The following FRMD5 variants were observed in gnomAD, a reference collection of about 807,000 sequenced individuals.
The protein encoded by FRMD5 is FERM domain containing 5, also known as FERM domain-containing protein 5.
Under a neutral mutation model 69.0 loss-of-function variants are expected in FRMD5, and 20 were observed. That is an observed-to-expected ratio of 0.29 (90% confidence interval 0.20 to 0.42). FRMD5 has a LOEUF of 0.42. FRMD5 is among the 10% of genes least tolerant of loss of function. The pLI is 1.00. For synonymous variants in FRMD5, 271 were observed against 260.1 expected, an observed-to-expected ratio of 1.04 and a Z score of -0.40; for missense variants, 595 against 708.6, an observed-to-expected ratio of 0.84 and a Z score of 1.82.
chr15:44,130,109 G>A (rs1351095424), intron 1 of FRMD5, among the ~76,000 whole-genome samples: 2 of 152,250 alleles, frequency 1.3e-5, no homozygotes, highest in Non-Finnish European at 2.9e-5. Flanking sequence ...CCCTCCAGGT[G>A]GGCTGCACTA....
intron 1 of FRMD5, among the ~76,000 whole-genome samples, chr15:44,026,592 C>T (rs1237870468): frequency 1.3e-5 from 2 of 152,076 alleles, no homozygotes; most frequent in Non-Finnish European, 2.9e-5. Context: ...AGTTGCAAGC[C>T]CTGTCTATCA....
At chr15:44,116,326 C>A (rs1433962818) in intron 1 of FRMD5, among the ~76,000 whole-genome samples, 1 of 151,758 alleles carries the variant, frequency 6.6e-6, no homozygotes, top group Non-Finnish European at 1.5e-5. Flanking sequence ...GTGATACAAT[C>A]ATAGCTCACT....
At chr15:43,947,069 C>G (rs1174977838) in intron 1 of FRMD5, among the ~76,000 whole-genome samples, 1 of 152,206 alleles carries the variant, frequency 6.6e-6, no homozygotes, top group East Asian at 1.9e-4. Context: ...AAGGAACCTA[C>G]AGAAATGTCT....
rs561714422 is a variant in FRMD5 at position 43,922,862 on chromosome 15, G to T, written c.207+1343C>A. On this transcript the variant is annotated intron_variant, in intron 2 of 13. Coordinates refer to ENST00000417257, the MANE Select transcript of FRMD5 (RefSeq NM_032892.5). ...TTTTTGTATTTTTAGTGGAGACGGGGTTTTGCCATGTTGCCCAGGCTGGTC... is the reference window on the plus strand; with the variant it reads ...TTTTTGTATTTTTAGTGGAGACGGGTTTTTGCCATGTTGCCCAGGCTGGTC... Among the ~76,000 whole-genome samples, 3 of 152,226 alleles carry T rather than the reference G, an allele frequency of 2.0e-5. No individual in the cohort carries two copies. In the East Asian group the frequency reaches 5.8e-4, roughly 29 times the overall value.
chr15:44,015,354 TG>T (rs987165292), intron 1 of FRMD5, among the ~76,000 whole-genome samples: 7 of 152,222 alleles, frequency 4.6e-5, no homozygotes, highest in South Asian at 2.1e-4. Flanking sequence ...GTTGCCCAGA[TG>T]GGTCTCAAAC....
At chr15:43,904,491 C>T (rs1279910263) in intron 6 of FRMD5, among the ~76,000 whole-genome samples, 2 of 152,104 alleles carry the variant, frequency 1.3e-5, no homozygotes, top group Non-Finnish European at 2.9e-5. Context: ...GCCTCAGACT[C>T]CTGAGTAGCT....
chr15:43,927,027 TA>T lies in FRMD5; in HGVS notation c.103-2719del, dbSNP rs1294407234. On this transcript the variant is annotated intron_variant, in intron 1 of 13. Coordinates refer to ENST00000417257, the MANE Select transcript of FRMD5 (RefSeq NM_032892.5). The stretch of plus-strand genomic sequence containing the variant: ...ACCTTTTCCCAAGAATTTTCTTGAA[TA>T]TTCCACCCCTTGGTTAAAGAAACCC... 4.6e-5 allele frequency among the ~76,000 whole-genome samples: 7 copies of T among 151,810 alleles called. No individual in the cohort carries two copies. In the East Asian group the frequency reaches 1.4e-3, roughly 29 times the overall value.
chr15:43,995,225 G>A (rs978487434), intron 1 of FRMD5, among the ~76,000 whole-genome samples: 1 of 152,188 alleles, frequency 6.6e-6, no homozygotes, highest in African/African-American at 2.4e-5. Flanking sequence ...TAAATGCTAT[G>A]TAAATAGCTG....
At chr15:44,196,899 A>G (rs941817790), upstream of FRMD5, among the ~76,000 whole-genome samples, 1 of 151,910 alleles carries the variant, frequency 6.6e-6, no homozygotes, top group Admixed American at 6.6e-5. Flanking sequence ...TTTCAATGCA[A>G]TTTGGATGGA....
intron 1 of FRMD5, among the ~76,000 whole-genome samples, chr15:43,968,349 A>G (rs1343266841): frequency 2.6e-5 from 4 of 152,218 alleles, no homozygotes; most frequent in South Asian, 2.1e-4. Flanking sequence ...TTTAGCTTCA[A>G]TTGAAAAGCT....
chr15:44,004,449 C>T (rs760492933), intron 1 of FRMD5, among the ~76,000 whole-genome samples: 8 of 152,136 alleles, frequency 5.3e-5, no homozygotes, highest in Non-Finnish European at 8.8e-5. Context: ...AGCACATGCA[C>T]ACTTCATGTC....
intron 1 of FRMD5, among the ~76,000 whole-genome samples, chr15:44,075,926 C>T (rs1893740346): frequency 6.6e-6 from 1 of 152,144 alleles, no homozygotes; most frequent in South Asian, 2.1e-4. Flanking sequence ...TGATGATGAG[C>T]ATTTTTTCAT....
chr15:43,881,041 C>G (rs1021688148), intron 13 of FRMD5, among the ~76,000 whole-genome samples: 1 of 152,156 alleles, frequency 6.6e-6, no homozygotes, highest in Non-Finnish European at 1.5e-5. Context: ...TGAGTTTTGT[C>G]TCTACACAGA....
At chr15:44,095,840 G>A (rs1848087421) in intron 1 of FRMD5, among the ~76,000 whole-genome samples, 1 of 152,122 alleles carries the variant, frequency 6.6e-6, no homozygotes, top group South Asian at 2.1e-4. Flanking sequence ...ATGCCTGACT[G>A]GATATGGCCT....
chr15:43,996,117 T>C (rs1889911082), intron 1 of FRMD5, among the ~76,000 whole-genome samples: 1 of 151,942 alleles, frequency 6.6e-6, no homozygotes, highest in Non-Finnish European at 1.5e-5. Context: ...TGGGCTGACC[T>C]GCCTCTGGGC....
At chr15:44,119,876 C>A (rs987377791) in intron 1 of FRMD5, among the ~76,000 whole-genome samples, 1 of 124,266 alleles carries the variant, frequency 8.0e-6, no homozygotes, top group South Asian at 3.1e-4. Context: ...TAGAACAGTA[C>A]CTAACATACA....
intron 1 of FRMD5, among the ~76,000 whole-genome samples, chr15:43,929,152 G>T (rs1295886157): frequency 6.6e-6 from 1 of 152,080 alleles, no homozygotes; most frequent in Non-Finnish European, 1.5e-5. Context: ...TCCTATTTTT[G>T]CTCCTCCCTG....
intron 1 of FRMD5, among the ~76,000 whole-genome samples, chr15:44,147,370 T>C (rs1456001105): frequency 6.6e-6 from 1 of 152,160 alleles, no homozygotes; most frequent in Non-Finnish European, 1.5e-5. Context: ...TTCATAACAG[T>C]ACCATGCCTT....
chr15:43,904,706 CAT>C (rs2089128449), intron 6 of FRMD5, among the ~76,000 whole-genome samples: 1 of 152,110 alleles, frequency 6.6e-6, no homozygotes, highest in Admixed American at 6.5e-5. Context: ...CCTTTTTCCT[CAT>C]AGTTTGTCAG....
Sources: gnomAD v4.1 joint callset for allele counts (sites outside exome capture counted in the v4.1 genomes callset) on GRCh38, gnomAD v4.1.1 for gene constraint, MANE v1.5 for transcripts, NCBI Gene and HGNC (gene_info 2026-07-23, HGNC 2026-07-21) for gene names.